TNFRSF9: variants seen among roughly 807,000 people sequenced by gnomAD.
The protein encoded by TNFRSF9 is TNF receptor superfamily member 9.
Under a neutral mutation model 28.8 loss-of-function variants are expected in TNFRSF9, and 16 were observed. The observed-to-expected ratio is 0.55, with a 90% CI of 0.38 to 0.84. TNFRSF9 has a LOEUF of 0.84. Among genes scored for constraint, TNFRSF9 ranks in the 40% least tolerant of loss-of-function variants. The pLI is 0.00. For synonymous variants in TNFRSF9, 131 were observed against 117.0 expected, an observed-to-expected ratio of 1.12 and a Z score of -0.77; for missense variants, 303 against 315.0, an observed-to-expected ratio of 0.96 and a Z score of 0.29.
At chr1:7,929,895 T>C (rs1639708051) in intron 7 of TNFRSF9, among the ~76,000 whole-genome samples, 1 of 152,094 alleles carries the variant, frequency 6.6e-6, no homozygotes, top group African/African-American at 2.4e-5. Context: ...ATGAGAGATG[T>C]TCCTGTCTTG....
In TNFRSF9 at chr1:7,931,918, C is replaced by T. The variant is rs191347815; in HGVS notation, c.679+1244G>A. 4.7e-3 allele frequency among the ~76,000 whole-genome samples: 715 copies of T among 152,220 alleles called. 2 individuals carry two copies. Among genetic ancestry groups the T allele is most frequent in the African/African-American group, 0.016 (684 of 41,560 alleles). Reference sequence around the variant, plus strand: ...CAACACTTTGGGAGGCTGAGGCGGGCGGATCACCTGAGGTTGGGAGTTCAA... The same window carrying T: ...CAACACTTTGGGAGGCTGAGGCGGGTGGATCACCTGAGGTTGGGAGTTCAA... On this transcript the variant is annotated intron_variant, in intron 7 of 7. Coordinates refer to ENST00000377507, the MANE Select transcript of TNFRSF9 (RefSeq NM_001561.6).
intron 7 of TNFRSF9, among the ~76,000 whole-genome samples, chr1:7,930,529 G>A (rs765588679): frequency 1.3e-5 from 2 of 152,144 alleles, no homozygotes; most frequent in African/African-American, 4.8e-5. Flanking sequence ...AAACCGAGGT[G>A]GGAGGATCGC....
intron 7 of TNFRSF9, among the ~76,000 whole-genome samples, chr1:7,932,599 AC>A (rs990209296): frequency 2.0e-5 from 3 of 151,964 alleles, no homozygotes; most frequent in African/African-American, 7.3e-5. Flanking sequence ...CAGTTTATCA[AC>A]CAGAGGGACA....
Position 7,924,294 on chromosome 1 carries a change from CATATATATATATATATAT to C in TNFRSF9, c.680-3389_680-3372del, listed in dbSNP as rs58569630. Among the ~76,000 whole-genome samples the C allele has an allele frequency of 2.8e-4, 37 of 130,018 alleles. 1 individual carries two copies. Among genetic ancestry groups the C allele is most frequent in the East Asian group, 1.6e-3 (8 of 4,920 alleles). 85.3% of individuals were successfully genotyped at this position (130,018 alleles called of 152,430 possible). A position where few individuals can be genotyped will look rare whatever the true frequency, so the allele number is the denominator to read the frequency against. On this transcript the variant is annotated intron_variant, in intron 7 of 7. Transcript: ENST00000377507. ...TTTATAGTTATTTCATAGTATATTC[CATATATATATATATATAT>C]ATATATATATATATATATATATAAC...
chr1:7,927,946 C>A (rs555054017), intron 7 of TNFRSF9, among the ~76,000 whole-genome samples: 1 of 152,000 alleles, frequency 6.6e-6, no homozygotes, highest in Non-Finnish European at 1.5e-5. Flanking sequence ...CTGGGAAATA[C>A]GAAGAACTCT....
chr1:7,939,551 G>A (rs1008313563), intron 2 of TNFRSF9, among the ~76,000 whole-genome samples: 4 of 152,060 alleles, frequency 2.6e-5, no homozygotes, highest in Admixed American at 6.6e-5. Flanking sequence ...GCGCTTACTC[G>A]CTGCTATGCC....
chr1:7,923,912 C>A (rs534598319), intron 7 of TNFRSF9, among the ~76,000 whole-genome samples: 1 of 152,186 alleles, frequency 6.6e-6, no homozygotes, highest in Admixed American at 6.5e-5. Context: ...GTGAAAACTA[C>A]AAAATGCTGG....
At chr1:7,932,732 C>T (rs199969058) in intron 7 of TNFRSF9, among the ~76,000 whole-genome samples, 2 of 139,736 alleles carry the variant, frequency 1.4e-5, no homozygotes, top group East Asian at 2.8e-4. Flanking sequence ...CACACACACA[C>T]ATACACACAC....
rs756302189 is a variant in TNFRSF9 at position 7,938,316 on chromosome 1, T to C, written c.223A>G (p.Arg75Gly). The change falls in exon 4 of 8, where the codon AGG becomes GGG. Residue 75 changes from arginine (R) to glycine (G), a missense_variant. By Grantham distance (125) the Arg-to-Gly change is moderately radical (BLOSUM62 -2). Coordinates refer to ENST00000377507, the MANE Select transcript of TNFRSF9 (RefSeq NM_001561.6). ...CRQCKGVFRT[R>G]KECSSTSNAE... ...TTGCTGGTGGAGGAACACTCCTTCC[T>C]GGTCCTGAAAACACCTACAAAGTCC... The C allele has an allele frequency of 2.5e-6, 4 of 1,605,454 alleles. No homozygotes were observed. The South Asian group carries it at 4.5e-5, about 18-fold the overall frequency.
At chr1:7,921,019 C>T (rs573715095) in intron 7 of TNFRSF9, 96 bp from the exon 8 acceptor site, 1 of 892,428 alleles carries the variant, frequency 1.1e-6, no homozygotes, top group African/African-American at 1.7e-5. Context: ...CATCTCTAAG[C>T]AGCAAACATT....
Position 7,920,509 on chromosome 1 carries a change from G to C in TNFRSF9, c.*326C>G. The C allele has an allele frequency of 4.5e-6, 1 of 221,816 alleles. No homozygotes were observed. The highest frequency in any genetic ancestry group is 8.3e-5 in the South Asian group (1 of 12,048). The allele number at this position is 221,816 out of a possible 1,614,324, so 13.7% of individuals were successfully genotyped here. ...AACAAAAAACAAAAAAGTTAGTCAG[G>C]TGTGGTGGCCCTTCCTTGTAGTTCC... On this transcript the variant is annotated 3_prime_UTR_variant, in exon 8 of 8. Transcript: ENST00000377507.
chr1:7,938,305 A>C lies in TNFRSF9; in HGVS notation c.234T>G (p.Cys78Trp), dbSNP rs1180566950. 13 of 1,608,712 alleles carry C rather than the reference A, an allele frequency of 8.1e-6. No homozygotes were observed. Among genetic ancestry groups the C allele is most frequent in the Non-Finnish European group, 1.1e-5 (13 of 1,177,788 alleles). ...CKGVFRTRKECSSTSNAECDC... is the reference protein window; with the variant it reads ...CKGVFRTRKEWSSTSNAECDC... ...CACACTCTGCATTGCTGGTGGAGGA[A>C]CACTCCTTCCTGGTCCTGAAAACAC... Residue 78 changes from cysteine (C) to tryptophan (W), a missense_variant, in exon 4 of 8, where the codon TGT (cysteine) becomes TGG (tryptophan). Cys to Trp is a radical substitution (Grantham distance 215). Transcript: ENST00000377507.
intron 7 of TNFRSF9, among the ~76,000 whole-genome samples, chr1:7,932,035 C>T (rs9657993): frequency 4.6e-5 from 7 of 152,054 alleles, no homozygotes; most frequent in African/African-American, 1.7e-4. Flanking sequence ...GCCTCGGGAG[C>T]CTGAGGCAGG....
chr1:7,938,095 G>T lies in TNFRSF9; in HGVS notation c.346+98C>A, dbSNP rs567858589. On this transcript the variant is annotated intron_variant, in intron 4 of 7. Coordinates refer to ENST00000377507, the MANE Select transcript of TNFRSF9 (RefSeq NM_001561.6). Reference sequence around the variant, plus strand: ...TCATATACTCCCTTGTTACTTTAAGGTTCTACAAATCTGTTTGTTTATTTT... The same window carrying T: ...TCATATACTCCCTTGTTACTTTAAGTTTCTACAAATCTGTTTGTTTATTTT... The T allele has an allele frequency of 5.6e-5, 65 of 1,166,222 alleles. 1 individual carries two copies. The highest frequency in any genetic ancestry group is 6.8e-5 in the Non-Finnish European group (59 of 865,158). The allele number at this position is 1,166,222 out of a possible 1,614,324, so 72.2% of individuals were successfully genotyped here.
intron 7 of TNFRSF9, among the ~76,000 whole-genome samples, chr1:7,921,400 G>C (rs1283854725): frequency 6.6e-6 from 1 of 151,254 alleles, no homozygotes; most frequent in Admixed American, 6.6e-5. Flanking sequence ...GGGCGCAGTG[G>C]CTCATGCCTG....
chr1:7,916,301 T>C lies in TNFRSF9; in HGVS notation c.*4534A>G, dbSNP rs1231069872. The C allele has an allele frequency of 6.6e-6, 1 of 152,248 alleles. No homozygotes were observed. The highest frequency in any genetic ancestry group is 1.5e-5 in the Non-Finnish European group (1 of 68,050). The allele number at this position is 152,248 out of a possible 1,614,324, so 9.4% of individuals were successfully genotyped here. ...CTAAATTAAACCCAGAAGGGGATCA[T>C]TTTATTCTGTCTCAATGTTCCTTCC... On this transcript the variant is annotated 3_prime_UTR_variant, in exon 8 of 8. Coordinates refer to ENST00000377507, the MANE Select transcript of TNFRSF9 (RefSeq NM_001561.6).
chr1:7,918,654 A>G lies in TNFRSF9; in HGVS notation c.*2181T>C, dbSNP rs1558527032. ...AGAGCTGGGACTACAGGCATGAGCCACTGCACCCGGCCCCAAGTTTTTTTG... is the reference window on the plus strand; with the variant it reads ...AGAGCTGGGACTACAGGCATGAGCCGCTGCACCCGGCCCCAAGTTTTTTTG... On this transcript the variant is annotated 3_prime_UTR_variant, in exon 8 of 8. Transcript: ENST00000377507. The G allele has an allele frequency of 1.3e-5, 2 of 152,200 alleles. No homozygotes were observed. The highest frequency in any genetic ancestry group is 4.8e-5 in the African/African-American group (2 of 41,452). The allele number at this position is 152,200 out of a possible 1,614,324, so 9.4% of individuals were successfully genotyped here.
chr1:7,934,911 G>A, intron 6 of TNFRSF9, 102 bp downstream of exon 6: 1 of 1,464,274 alleles, frequency 6.8e-7, no homozygotes, highest in African/African-American at 1.4e-5. Context: ...GAATGCACGT[G>A]GGAGGTGCCT....
At chr1:7,928,375 C>T (rs1639683992) in intron 7 of TNFRSF9, among the ~76,000 whole-genome samples, 2 of 152,148 alleles carry the variant, frequency 1.3e-5, no homozygotes, top group Non-Finnish European at 2.9e-5. Context: ...ATAGTCAAAA[C>T]AGGAAGCAAA....
Sources: allele counts gnomAD v4.1 joint callset (sites outside exome capture counted in the v4.1 genomes callset), GRCh38; gene constraint gnomAD v4.1.1; transcripts MANE v1.5; gene names NCBI Gene and HGNC (gene_info 2026-07-23, HGNC 2026-07-21).